The following MSL3 variants were observed in gnomAD, a reference collection of about 807,000 sequenced individuals.
The protein encoded by MSL3 is MSL complex subunit 3.
In MSL3, 5 loss-of-function variants were observed where a neutral mutation model predicts 37.2. That is an observed-to-expected ratio of 0.13 (90% CI 0.07 to 0.28). The LOEUF is 0.28. MSL3 is among the 10% of genes least tolerant of loss of function. The pLI is 1.00. For missense variants in MSL3, 315 were observed against 408.5 expected, an observed-to-expected ratio of 0.77 and a Z score of 1.97; for synonymous variants, 149 against 147.6, an observed-to-expected ratio of 1.01 and a Z score of -0.07.
intron 9 of MSL3, chrX:11,766,093 ACTCTGT>A: frequency 1.1e-6 from 1 of 905,303 alleles, no homozygotes; most frequent in Non-Finnish European, 1.4e-6. Flanking sequence ...TTTTCTTTGT[ACTCTGT>A]CTCTGTAGTC....
chrX:11,766,634 G>A (rs2053185767), intron 9 of MSL3: 1 of 753,286 alleles, frequency 1.3e-6, no homozygotes, highest in Admixed American at 8.7e-5. Context: ...CAGCAGGGCC[G>A]ACGATGTCAC....
At position 11,762,937 on chromosome X, in the gene MSL3, G is replaced by A. The variant is rs2053145974; in HGVS notation, c.689G>A (p.Arg230His). ...GCCTTTTCAGCCAATGAGAGGCCTC[G>A]TCACCATCACGTTATGCCACATGCC... ...NAAFSANERP[R>H]HHHVMPHANM... is the part of the protein sequence containing the mutation. Residue 230 changes from arginine (R) to histidine (H), a missense_variant, in exon 7 of 13, where the codon CGT becomes CAT. By Grantham distance (29) the Arg-to-His change is conservative. Transcript: ENST00000312196. The A allele has an allele frequency of 4.1e-6, 5 of 1,210,799 alleles. No homozygotes were observed. Among genetic ancestry groups the A allele is most frequent in the Admixed American group, 2.2e-5 (1 of 45,918 alleles).
rs1051590 is a variant in MSL3, at chrX:11,762,178, A to G, written c.514A>G (p.Ile172Val). ...QTRREMEERTITIEIPEVLKK... is the reference protein window; with the variant it reads ...QTRREMEERTVTIEIPEVLKK... ...AAGAAGGGAAATGGAAGAAAGAACA[A>G]TAACTATAGAAATCCCTGAAGTTCT... The change falls in exon 6 of 13, where the codon ATA becomes GTA. Residue 172 changes from isoleucine to valine, a missense_variant. Ile to Val is a conservative substitution (Grantham distance 29, BLOSUM62 3). Coordinates refer to ENST00000312196, the MANE Select transcript of MSL3 (RefSeq NM_078629.4). 15 of 1,161,535 alleles carry G rather than the reference A, an allele frequency of 1.3e-5. No individual in the cohort carries two copies. Among genetic ancestry groups the G allele is most frequent in the South Asian group, 9.9e-5 (5 of 50,556 alleles).
At chrX:11,761,776 A>T (rs2053134992) in intron 5 of MSL3, among the ~76,000 whole-genome samples, 194 bp downstream of exon 5, 1 of 112,278 alleles carries the variant, frequency 8.9e-6, no homozygotes, top group African/African-American at 3.2e-5. Context: ...GTGGCTCTTT[A>T]TGCCCCTAAA....
intron 10 of MSL3, among the ~76,000 whole-genome samples, chrX:11,771,583 G>A (rs1018753232): frequency 2.7e-5 from 3 of 112,073 alleles, no homozygotes; most frequent in Non-Finnish European, 5.6e-5. Flanking sequence ...CTTTTTTCTG[G>A]GTGGAGGGGA....
At chrX:11,758,400 C>A in intron 1 of MSL3, 35 bp downstream of exon 1, 1 of 953,802 alleles carries the variant, frequency 1.0e-6, no homozygotes. Context: ...GAGGCGCGGG[C>A]TGGGGGACCC....
intron 9 of MSL3, chrX:11,767,841 A>G: frequency 1.3e-6 from 1 of 743,647 alleles, no homozygotes; most frequent in Non-Finnish European, 1.6e-6. Flanking sequence ...GGGGCATTTC[A>G]TATAAATGGA....
chrX:11,772,029 C>G, intron 10 of MSL3, 127 bp from the exon 11 acceptor site: 2 of 483,330 alleles, frequency 4.1e-6, no homozygotes, highest in African/African-American at 2.4e-5. Flanking sequence ...TTTTTGTAAG[C>G]TTGTGTTTAT....
chrX:11,762,712 C>T, intron 6 of MSL3, 125 bp from the exon 7 acceptor site: 1 of 608,324 alleles, frequency 1.6e-6, no homozygotes, highest in South Asian at 3.3e-5. Flanking sequence ...AAGTTCTATT[C>T]AAACAGAATT....
At chrX:11,760,300 TTCTAAAAATGTAA>T (rs2053119271) in intron 2 of MSL3, 90 bp from the exon 3 acceptor site, 2 of 535,756 alleles carry the variant, frequency 3.7e-6, no homozygotes, top group Non-Finnish European at 5.9e-6. Flanking sequence ...TTAAATCGTT[TTCTAAAAATGTAA>T]TTCTGGGGCA....
At chrX:11,771,156 T>G (rs930453510) in intron 10 of MSL3, among the ~76,000 whole-genome samples, 1 of 112,429 alleles carries the variant, frequency 8.9e-6, no homozygotes. Flanking sequence ...TGTTTCTGAG[T>G]TTGTGGGGGC....
intron 8 of MSL3, 147 bp from the exon 9 acceptor site, chrX:11,765,320 C>T (rs1016467323): frequency 5.0e-6 from 3 of 598,505 alleles, no homozygotes; most frequent in Admixed American, 3.8e-5. Flanking sequence ...TGCCAGCGTG[C>T]CTTGCAGAGT....
intron 2 of MSL3, 105 bp downstream of exon 2, chrX:11,759,980 CCTG>C: frequency 1.1e-6 from 1 of 942,520 alleles, no homozygotes; most frequent in East Asian, 3.2e-5. Flanking sequence ...TGTTTCATTT[CCTG>C]CTTTTACTTT....
intron 12 of MSL3, among the ~76,000 whole-genome samples, chrX:11,774,693 C>T (rs1472382335): frequency 1.5e-4 from 17 of 110,333 alleles, no homozygotes; most frequent in Non-Finnish European, 1.3e-4. Flanking sequence ...TTTTTTTCCG[C>T]CCCCAACAGA....
chrX:11,774,101 T>C (rs1018277000), intron 12 of MSL3, among the ~76,000 whole-genome samples: 1 of 112,034 alleles, frequency 8.9e-6, no homozygotes, highest in Non-Finnish European at 1.9e-5. Context: ...GATTCTTGAA[T>C]GACCAGCACA....
chrX:11,763,698 T>A, intron 7 of MSL3, 82 bp from the exon 8 acceptor site: 1 of 843,292 alleles, frequency 1.2e-6, no homozygotes, highest in African/African-American at 2.0e-5. Context: ...AACTGCCCTA[T>A]TAAAAATCGG....
At chrX:11,764,898 T>C (rs892951178) in intron 8 of MSL3, among the ~76,000 whole-genome samples, 1 of 112,249 alleles carries the variant, frequency 8.9e-6, no homozygotes, top group Non-Finnish European at 1.9e-5. Flanking sequence ...CCTGCAGGAC[T>C]CACTGGGGAC....
Position 11,765,600 on chromosome X carries a change from C to T in MSL3, c.1042C>T (p.Leu348=). Residue 348 remains leucine, a synonymous_variant, in exon 9 of 13, where the codon CTG becomes TTG. Transcript: ENST00000312196. ...RKAEPEALQS[L]RRSTRHSANC... ...AGCTGAGCCAGAAGCATTGCAGTCT[C>T]TGAGGCGGTCCACGCGCCACAGTGC... is the stretch of plus-strand genomic sequence containing the variant. 8.3e-7 allele frequency: 1 copy of T among 1,211,688 alleles called. No homozygotes were observed. Among genetic ancestry groups the T allele is most frequent in the Non-Finnish European group, 1.1e-6 (1 of 895,429 alleles).
chrX:11,770,139 T>G (rs778473258), intron 10 of MSL3, among the ~76,000 whole-genome samples: 1 of 112,904 alleles, frequency 8.9e-6, no homozygotes, highest in Admixed American at 9.3e-5. Flanking sequence ...CATGTGATTT[T>G]CACATATCAC....
Sources: gnomAD v4.1 joint callset for allele counts (sites outside exome capture counted in the v4.1 genomes callset) on GRCh38, gnomAD v4.1.1 for gene constraint, MANE v1.5 for transcripts, NCBI Gene and HGNC (gene_info 2026-07-23, HGNC 2026-07-21) for gene names.